MACF1: variants seen among roughly 807,000 people sequenced by gnomAD.
MACF1 encodes microtubule-actin cross-linking factor 1.
MACF1 carries 193 observed loss-of-function variants against 854.8 expected under a neutral mutation model. The ratio of observed to expected loss-of-function variants is 0.23; its 90% CI spans 0.20 to 0.25. MACF1 has a LOEUF of 0.25. Among genes scored for constraint, MACF1 ranks in the 10% least tolerant of loss-of-function variants. The probability of loss-of-function intolerance (pLI) is 1.00; values close to 1 mark genes in which losing one functional copy is unlikely to be tolerated. For missense variants in MACF1, 7,722 were observed against 8,929.1 expected (o/e 0.86, Z 5.45); for synonymous variants, 3,185 against 3,226.7 (o/e 0.99, Z 0.44).
chr1:39,318,639 G>A (rs775780760), intron 30 of MACF1, 24 bp downstream of exon 30: 19 of 1,553,564 alleles, frequency 1.2e-5, no homozygotes, highest in Middle Eastern at 1.7e-4. Context: ...TAGCTCTGGC[G>A]AGAAGAGTTA....
At chr1:39,382,241 C>A (rs1050974526) in intron 56 of MACF1, 89 bp downstream of exon 56, 40 of 1,246,264 alleles carry the variant, frequency 3.2e-5, no homozygotes, top group Admixed American at 4.1e-5. Flanking sequence ...TGATCCTGGA[C>A]AAGTCATTTA....
intron 6 of MACF1, among the ~76,000 whole-genome samples, chr1:39,275,470 TA>T: frequency 6.6e-6 from 1 of 152,160 alleles, no homozygotes; most frequent in South Asian, 2.1e-4. Context: ...ACAGTAGCCA[TA>T]AACTCCTGGA....
chr1:39,219,025 C>T (rs1644615623), intron 1 of MACF1, among the ~76,000 whole-genome samples: 1 of 152,208 alleles, frequency 6.6e-6, no homozygotes, highest in Non-Finnish European at 1.5e-5. Context: ...AAGTGATCCA[C>T]CCATCTCAGC....
chr1:39,408,536 G>C (rs573383153), intron 58 of MACF1, among the ~76,000 whole-genome samples: 68 of 152,292 alleles, frequency 4.5e-4, no homozygotes, highest in African/African-American at 1.4e-3. Flanking sequence ...ACGGGAACTC[G>C]AGTGGCCGTC....
chr1:39,101,896 G>C (rs365731), intron 2 of MACF1, among the ~76,000 whole-genome samples: 14 of 150,578 alleles, frequency 9.3e-5, no homozygotes, highest in Non-Finnish European at 1.8e-4. Flanking sequence ...AAAGAAAGAG[G>C]CTGGGCGCGG....
chr1:39,400,664 CA>C (rs1642443417), intron 58 of MACF1, among the ~76,000 whole-genome samples: 1 of 152,064 alleles, frequency 6.6e-6, no homozygotes, highest in Non-Finnish European at 1.5e-5. Flanking sequence ...TGCACCACCA[CA>C]CCCAGCTAAT....
At chr1:39,435,197 T>C (rs990386151) in intron 69 of MACF1, among the ~76,000 whole-genome samples, 5 of 152,036 alleles carry the variant, frequency 3.3e-5, no homozygotes, top group East Asian at 1.9e-4. Flanking sequence ...TCTGGGGAGG[T>C]AGACAATTAT....
At chr1:39,201,657 A>G (rs1371570298), upstream of MACF1, among the ~76,000 whole-genome samples, 2 of 151,626 alleles carry the variant, frequency 1.3e-5, no homozygotes, top group African/African-American at 4.8e-5. Flanking sequence ...AGGCTGAGCA[A>G]TCCTTTTAAA....
intron 1 of MACF1, among the ~76,000 whole-genome samples, chr1:39,207,995 T>G (rs1248496070): frequency 1.3e-5 from 2 of 151,780 alleles, no homozygotes; most frequent in Non-Finnish European, 2.9e-5. Context: ...TTAGCTGGTG[T>G]GATGGCAGGT....
At position 39,287,530 on chromosome 1, in the gene MACF1, T is replaced by A; in HGVS notation, c.1753T>A (p.Tyr585Asn). The change falls in exon 15 of 101, where the codon TAT (tyrosine) becomes AAT (asparagine). Residue 585 changes from tyrosine (Y) to asparagine (N), a missense_variant. Tyr to Asn is a moderately radical substitution (Grantham distance 143). Transcript: ENST00000564288. ...AGATGAAGGCAATCTCCGATTTGTG[T>A]ATGAACTACTGTCTTGGGTAGAAGA... is the stretch of plus-strand genomic sequence containing the variant. ...SEDEGNLRFV[Y>N]ELLSWVEEMQ... The A allele has an allele frequency of 6.2e-7, 1 of 1,614,216 alleles. No homozygotes were observed. Among genetic ancestry groups the A allele is most frequent in the Non-Finnish European group, 8.5e-7 (1 of 1,180,034 alleles).
At position 39,269,753 on chromosome 1, in the gene MACF1, G is replaced by A. The variant is rs545032753; in HGVS notation, c.528+11725G>A. On this transcript the variant is annotated intron_variant, in intron 6 of 100. Transcript: ENST00000564288. ...GGCATGTTCAAGAGATAATCAAACT[G>A]CTGTTTGGATTCTTGGCCCTCAAAC... The A allele has an allele frequency of 6.3e-6, 8 of 1,265,772 alleles. No homozygotes were observed. In the Admixed American group the frequency reaches 1.7e-4, roughly 27 times the overall value. The allele number at this position is 1,265,772 out of a possible 1,614,324, so 78.4% of individuals were successfully genotyped here. A position where few individuals can be genotyped will look rare whatever the true frequency, so the allele number is the denominator to read the frequency against.
chr1:39,269,019 G>A, intron 6 of MACF1: 1 of 1,289,040 alleles, frequency 7.8e-7, no homozygotes. Flanking sequence ...GATAGTACAG[G>A]TAAAGGAGAG....
chr1:39,443,678 T>A, intron 79 of MACF1, 104 bp downstream of exon 79: 4 of 1,264,292 alleles, frequency 3.2e-6, no homozygotes, highest in Non-Finnish European at 4.3e-6. Context: ...TACAAAGTAG[T>A]GCATTTTTAT....
rs760219967 is a variant in MACF1 at position 39,379,278 on chromosome 1, G to A, written c.13352G>A (p.Arg4451His). The A allele has an allele frequency of 9.3e-6, 15 of 1,612,872 alleles. No individual in the cohort carries two copies. The highest frequency in any genetic ancestry group is 1.2e-5 in the Non-Finnish European group (14 of 1,179,594). The change falls in exon 54 of 101, where the codon CGC (arginine) becomes CAC (histidine). Residue 4451 changes from arginine to histidine, a missense_variant. Coordinates refer to ENST00000564288, the MANE Select transcript of MACF1 (RefSeq NM_001394062.1). ...YEKLGGVLHERQESLQAILNR... is the reference protein window; with the variant it reads ...YEKLGGVLHEHQESLQAILNR... The stretch of plus-strand genomic sequence containing the variant: ...AAACTAGGGGGAGTACTTCATGAAC[G>A]CCAGGAAAGCCTTCAGGCTATCCTC...
chr1:39,365,268 G>A (rs1648598718), intron 49 of MACF1, among the ~76,000 whole-genome samples: 1 of 151,946 alleles, frequency 6.6e-6, no homozygotes, highest in South Asian at 2.1e-4. Context: ...AGTAGAGATG[G>A]GGTTTCACCA....
intron 56 of MACF1, among the ~76,000 whole-genome samples, chr1:39,384,275 G>T (rs893995469): frequency 1.3e-5 from 2 of 152,072 alleles, no homozygotes; most frequent in Non-Finnish European, 2.9e-5. Context: ...GTTCACATCA[G>T]AGTTTAATCA....
intron 95 of MACF1, among the ~76,000 whole-genome samples, chr1:39,466,446 G>A (rs1462785203): frequency 6.6e-6 from 1 of 152,196 alleles, no homozygotes; most frequent in East Asian, 1.9e-4. Flanking sequence ...TTAAGGTTGG[G>A]GGGGACATGA....
rs1645587316 is a variant in MACF1, at chr1:39,283,315, T to C, written c.808+14T>C. 2 of 1,600,646 alleles carry C rather than the reference T, an allele frequency of 1.2e-6. No individual in the cohort carries two copies. Among genetic ancestry groups the C allele is most frequent in the South Asian group, 1.1e-5 (1 of 90,748 alleles). On this transcript the variant is annotated intron_variant, in intron 8 of 100. Coordinates refer to ENST00000564288, the MANE Select transcript of MACF1 (RefSeq NM_001394062.1). This position sits in a 1 kb window ranked among gnomAD's most constrained non-coding sequence, Gnocchi z 4.5. Reference sequence around the variant, plus strand: ...TGGATGCAGAAGGTGAGAGGGAGTTTACTGAACTTGAGTAAGGAACACGTA... The same window carrying C: ...TGGATGCAGAAGGTGAGAGGGAGTTCACTGAACTTGAGTAAGGAACACGTA...
At chr1:39,355,460 CTTTTTTTTTTTT>C (rs56202498) in intron 44 of MACF1, among the ~76,000 whole-genome samples, 8 of 81,064 alleles carry the variant, frequency 9.9e-5, no homozygotes, top group South Asian at 8.8e-4. Flanking sequence ...TTTTCTTCTG[CTTTTTTTTTTTT>C]TTTTTTTTTT....
Sources: gnomAD v4.1 joint callset for allele counts (sites outside exome capture counted in the v4.1 genomes callset) on GRCh38, gnomAD v4.1.1 for gene constraint, Gnocchi (gnomAD v3.1) non-coding constraint, MANE v1.5 for transcripts, NCBI Gene and HGNC (gene_info 2026-07-23, HGNC 2026-07-21) for gene names.